TRPC5: variants seen among roughly 807,000 people sequenced by gnomAD.
TRPC5 encodes the protein transient receptor potential cation channel subfamily C member 5.
TRPC5 carries 9 observed loss-of-function variants against 56.5 expected under a neutral mutation model. The ratio of observed to expected loss-of-function variants is 0.16; its 90% CI spans 0.10 to 0.28. The LOEUF (loss-of-function observed/expected upper bound fraction) is 0.28. Ranked by LOEUF, TRPC5 falls within the 10% of genes least tolerant of loss-of-function variation. The pLI is 1.00. For synonymous variants in TRPC5, 282 were observed against 278.5 expected, an observed-to-expected ratio of 1.01 and a Z score of -0.13; for missense variants, 469 against 748.9, an observed-to-expected ratio of 0.63 and a Z score of 4.36.
intron 1 of TRPC5, among the ~76,000 whole-genome samples, chrX:112,050,336 A>G: frequency 8.9e-6 from 1 of 112,845 alleles, no homozygotes; most frequent in Non-Finnish European, 1.9e-5. Flanking sequence ...CGATTATCCC[A>G]GGAAAGGGCT....
chrX:111,894,286 A>T (rs895443010), intron 3 of TRPC5, among the ~76,000 whole-genome samples: 9 of 111,947 alleles, frequency 8.0e-5, no homozygotes, highest in African/African-American at 2.9e-4. Context: ...TTAGACACTT[A>T]TTGCCAGTTT....
chrX:111,912,207 G>T, intron 3 of TRPC5, 84 bp downstream of exon 3: 1 of 1,061,132 alleles, frequency 9.4e-7, no homozygotes, highest in Non-Finnish European at 1.3e-6. Context: ...GGGCTAAATG[G>T]TAGAAAAATG....
chrX:111,841,714 T>C (rs1415551808), intron 6 of TRPC5, among the ~76,000 whole-genome samples: 2 of 111,396 alleles, frequency 1.8e-5, no homozygotes, highest in Admixed American at 1.9e-4. Flanking sequence ...CTCTGGTGTT[T>C]GTTTGTTTGT....
At chrX:112,048,498 G>A (rs1215504799) in intron 1 of TRPC5, among the ~76,000 whole-genome samples, 2 of 102,539 alleles carry the variant, frequency 2.0e-5, no homozygotes, top group Non-Finnish European at 3.9e-5. Context: ...AAAAATATAA[G>A]ATCCCTCATG....
intron 1 of TRPC5, among the ~76,000 whole-genome samples, chrX:111,988,225 T>A (rs765947475): frequency 3.6e-5 from 4 of 111,116 alleles, no homozygotes; most frequent in Non-Finnish European, 5.7e-5. Context: ...ATAAAACACC[T>A]CATATCTAGA....
intron 1 of TRPC5, among the ~76,000 whole-genome samples, chrX:112,073,670 A>T (rs750323627): frequency 1.8e-5 from 2 of 111,781 alleles, no homozygotes; most frequent in South Asian, 7.5e-4. Flanking sequence ...TCTGGTAGTC[A>T]TTTTCAAATG....
chrX:111,962,342 C>G (rs1253217433), intron 1 of TRPC5, among the ~76,000 whole-genome samples: 2 of 112,289 alleles, frequency 1.8e-5, no homozygotes, highest in Non-Finnish European at 3.8e-5. Context: ...TTCTCTGATT[C>G]TGTAATAGAT....
chrX:111,812,755 CATTCATACATTA>C (rs1417603956), intron 7 of TRPC5, among the ~76,000 whole-genome samples: 1 of 112,009 alleles, frequency 8.9e-6, no homozygotes, highest in Non-Finnish European at 1.9e-5. Flanking sequence ...GTAAGGTAAG[CATTCATACATTA>C]ATTCATTCAA....
intron 1 of TRPC5, among the ~76,000 whole-genome samples, chrX:111,989,791 C>T (rs769088049): frequency 5.4e-5 from 6 of 112,067 alleles, no homozygotes; most frequent in South Asian, 3.7e-4. Context: ...GATCTCAAAA[C>T]GATGAATGAA....
intron 2 of TRPC5, among the ~76,000 whole-genome samples, chrX:111,931,756 G>A (rs776083920): frequency 9.0e-6 from 1 of 111,356 alleles, no homozygotes; most frequent in Non-Finnish European, 1.9e-5. Context: ...CAGTGCATCC[G>A]CTTACTAGAT....
intron 1 of TRPC5, among the ~76,000 whole-genome samples, chrX:112,073,787 C>T (rs755989742): frequency 1.6e-4 from 18 of 111,764 alleles, no homozygotes; most frequent in African/African-American, 5.2e-4. Context: ...TTATCTTCCT[C>T]GCCTTATTAT....
At chrX:111,962,809 T>C (rs1255184038) in intron 1 of TRPC5, among the ~76,000 whole-genome samples, 1 of 112,134 alleles carries the variant, frequency 8.9e-6, no homozygotes, top group Non-Finnish European at 1.9e-5. Flanking sequence ...TGTGGCAAAC[T>C]TAATTGTTGT....
chrX:112,076,645 T>C (rs1424590368), intron 1 of TRPC5, among the ~76,000 whole-genome samples: 5 of 111,754 alleles, frequency 4.5e-5, no homozygotes, highest in African/African-American at 9.8e-5. Context: ...TCCGTGTGTG[T>C]GTATGTATGT....
At chrX:111,795,632 C>T (rs1354851238) in intron 7 of TRPC5, among the ~76,000 whole-genome samples, 1 of 111,279 alleles carries the variant, frequency 9.0e-6, no homozygotes, top group African/African-American at 3.3e-5. Context: ...TACTTTTTCT[C>T]TTGCTGCTTT....
At chrX:111,989,098 T>C (rs1392021003) in intron 1 of TRPC5, among the ~76,000 whole-genome samples, 1 of 111,817 alleles carries the variant, frequency 8.9e-6, no homozygotes, top group Non-Finnish European at 1.9e-5. Flanking sequence ...TGTACCTGGA[T>C]GCATATCCTA....
At chrX:111,795,570 T>A (rs1921058466) in intron 7 of TRPC5, among the ~76,000 whole-genome samples, 1 of 111,332 alleles carries the variant, frequency 9.0e-6, no homozygotes, top group Non-Finnish European at 1.9e-5. Context: ...TGGTTTCTGA[T>A]TAAAAAAAAA....
chrX:111,944,299 TGTGTGAGA>T (rs775418683), intron 2 of TRPC5, among the ~76,000 whole-genome samples: 26 of 89,038 alleles, frequency 2.9e-4, no homozygotes, highest in African/African-American at 7.6e-4. Context: ...TGTGTGTGTG[TGTGTGAGA>T]GAGAGAGAGA....
chrX:111,969,999 A>G (rs763856537), intron 1 of TRPC5, among the ~76,000 whole-genome samples: 1 of 111,273 alleles, frequency 9.0e-6, no homozygotes, highest in Non-Finnish European at 1.9e-5. Context: ...TGAATGGAGA[A>G]GACGAGAATT....
chrX:111,792,329 G>C (rs1271357968), intron 7 of TRPC5, among the ~76,000 whole-genome samples: 4 of 110,610 alleles, frequency 3.6e-5, no homozygotes, highest in Non-Finnish European at 7.6e-5. Flanking sequence ...AGGGGAGGGA[G>C]AGCATTAGGA....
Sources: gnomAD v4.1 joint callset for allele counts (sites outside exome capture counted in the v4.1 genomes callset) on GRCh38, gnomAD v4.1.1 for gene constraint, MANE v1.5 for transcripts, NCBI Gene and HGNC (gene_info 2026-07-23, HGNC 2026-07-21) for gene names.